The following NPR3 variants were observed in gnomAD, a reference collection of about 807,000 sequenced individuals.
NPR3 encodes atrial natriuretic peptide receptor 3.
A neutral mutation model predicts 54.5 loss-of-function variants in NPR3; 34 were observed. The ratio of observed to expected loss-of-function variants is 0.62; its 90% CI spans 0.47 to 0.83. NPR3 has a LOEUF of 0.83. NPR3 is among the 40% of genes least tolerant of loss of function. The pLI, the probability that NPR3 is intolerant of heterozygous loss-of-function variation, is 0.00. For synonymous variants in NPR3, 289 were observed against 297.1 expected (o/e 0.97, Z 0.28); for missense variants, 674 against 720.8 (o/e 0.94, Z 0.74).
chr5:32,738,384 ACTGT>A lies in NPR3; in HGVS notation c.893-477_893-474del, dbSNP rs536555215. Among the ~76,000 whole-genome samples the A allele has an allele frequency of 1.1e-4, 17 of 152,174 alleles. No individual in the cohort carries two copies. In the East Asian group the frequency reaches 1.2e-3, roughly 10 times the overall value. ...CTCCCACTTATGAGTAACATCACTA[ACTGT>A]CTAATAGTTGTGCATATCCATTGTC... On this transcript the variant is annotated intron_variant, in intron 2 of 7. Coordinates refer to ENST00000265074, the MANE Select transcript of NPR3 (RefSeq NM_001204375.2).
chr5:32,707,095 A>G (rs1429412006), upstream of NPR3, among the ~76,000 whole-genome samples: 1 of 152,202 alleles, frequency 6.6e-6, no homozygotes, highest in African/African-American at 2.4e-5. Flanking sequence ...TATTCAGGTT[A>G]AATCACTGAC....
intron 3 of NPR3, among the ~76,000 whole-genome samples, chr5:32,769,568 ATGC>A (rs1258158904): frequency 6.6e-6 from 1 of 152,250 alleles, no homozygotes; most frequent in East Asian, 1.9e-4. Flanking sequence ...GTCTTGAGAA[ATGC>A]TGCCTGGCAC....
intron 3 of NPR3, among the ~76,000 whole-genome samples, chr5:32,755,136 A>G (rs2111993048): frequency 6.6e-6 from 1 of 152,368 alleles, no homozygotes; most frequent in Admixed American, 6.5e-5. Context: ...CCGGGATTAC[A>G]GGCGTGAGCC....
At position 32,782,923 on chromosome 5, in the gene NPR3, C is replaced by A. The variant is rs371797796; in HGVS notation, c.1321C>A (p.Arg441Ser). 3 of 1,611,522 alleles carry A rather than the reference C, an allele frequency of 1.9e-6. No homozygotes were observed. Among genetic ancestry groups the A allele is most frequent in the Non-Finnish European group, 2.5e-6 (3 of 1,178,698 alleles). The change falls in exon 6 of 8, where the codon CGT (arginine) becomes AGT (serine). Residue 441 changes from arginine to serine, a missense_variant. Physicochemically the swap from Arg to Ser is moderately radical, Grantham distance 110. Transcript: ENST00000265074. Reference sequence around the variant, plus strand: ...TGGTGATTATTTTGGAAAAGAAGGTCGTTTTGAAATGCGGCCGAATGTCAA... The same window carrying A: ...TGGTGATTATTTTGGAAAAGAAGGTAGTTTTGAAATGCGGCCGAATGTCAA... ...VIGDYFGKEG[R>S]FEMRPNVKYP...
chr5:32,770,261 C>G (rs1741686120), intron 3 of NPR3, among the ~76,000 whole-genome samples: 1 of 150,348 alleles, frequency 6.7e-6, no homozygotes, highest in Admixed American at 6.6e-5. Flanking sequence ...GAAACCACAT[C>G]TCTACAAAAA....
chr5:32,738,843 A>ATTTT, intron 2 of NPR3, 21 bp from the exon 3 acceptor site: 1 of 1,606,834 alleles, frequency 6.2e-7, no homozygotes, highest in Non-Finnish European at 8.5e-7. Flanking sequence ...GGAATTATAA[A>ATTTT]TATTTTTATT....
intron 1 of NPR3, chr5:32,716,308 C>G: frequency 2.4e-6 from 1 of 409,770 alleles, no homozygotes; most frequent in Non-Finnish European, 4.8e-6. Flanking sequence ...ATTTTTCACT[C>G]TCAATTCTTG....
Position 32,791,266 on chromosome 5 carries a change from A to G in NPR3, c.*4921A>G, listed in dbSNP as rs1415888883. ...GGAATCTGAGCTTTGTTCCCTGTGC[A>G]TGGTGGATAATTGAAACCAAGAGGA... On this transcript the variant is annotated 3_prime_UTR_variant, in exon 8 of 8. Transcript: ENST00000265074. 2 of 167,124 alleles carry G rather than the reference A, an allele frequency of 1.2e-5. No homozygotes were observed. The highest frequency in any genetic ancestry group is 2.1e-4 in the South Asian group (1 of 4,836). The allele number at this position is 167,124 out of a possible 1,614,324, so 10.4% of individuals were successfully genotyped here. A position where few individuals can be genotyped will look rare whatever the true frequency, so the allele number is the denominator to read the frequency against.
At position 32,791,269 on chromosome 5, in the gene NPR3, G is replaced by C. The variant is rs1742895524; in HGVS notation, c.*4924G>C. Reference sequence around the variant, plus strand: ...ATCTGAGCTTTGTTCCCTGTGCATGGTGGATAATTGAAACCAAGAGGACAT... The same window carrying C: ...ATCTGAGCTTTGTTCCCTGTGCATGCTGGATAATTGAAACCAAGAGGACAT... On this transcript the variant is annotated 3_prime_UTR_variant, in exon 8 of 8. Coordinates refer to ENST00000265074, the MANE Select transcript of NPR3 (RefSeq NM_001204375.2). The C allele has an allele frequency of 6.0e-6, 1 of 167,098 alleles. No individual in the cohort carries two copies. Among genetic ancestry groups the C allele is most frequent in the Admixed American group, 6.5e-5 (1 of 15,278 alleles). The allele number at this position is 167,098 out of a possible 1,614,324, so 10.4% of individuals were successfully genotyped here.
intron 1 of NPR3, among the ~76,000 whole-genome samples, chr5:32,720,208 A>T (rs2111875268): frequency 6.6e-6 from 1 of 152,326 alleles, no homozygotes; most frequent in Admixed American, 6.5e-5. Context: ...AACCCAAAGA[A>T]GAGGGAAGAA....
Position 32,722,937 on chromosome 5 carries a change from A to G in NPR3, c.770-1761A>G, listed in dbSNP as rs531901998. Among the ~76,000 whole-genome samples the G allele has an allele frequency of 1.6e-4, 25 of 152,314 alleles. No individual in the cohort carries two copies. The South Asian group carries it at 3.1e-3, about 19-fold the overall frequency. On this transcript the variant is annotated intron_variant, in intron 1 of 7. Transcript: ENST00000265074. ...AGATCTTTAATATTTGTACTGTTTT[A>G]AAAACTTTTTCTCTAGAGCTTTTAT...
chr5:32,763,476 A>AT (rs34351463), intron 3 of NPR3, among the ~76,000 whole-genome samples: 6,480 of 133,806 alleles, frequency 0.048, 392 homozygotes, highest in African/African-American at 0.15. Context: ...CGCTCAGCTA[A>AT]TTTTTTTTTT....
At chr5:32,697,048 A>C (rs568122598) in intron 1 of NPR3, among the ~76,000 whole-genome samples, 1 of 151,886 alleles carries the variant, frequency 6.6e-6, no homozygotes, top group South Asian at 2.1e-4. Flanking sequence ...TGACAGTGTC[A>C]TGTTCCATAT....
rs374239137 is a variant in NPR3 at position 32,774,704 on chromosome 5, T to G, written c.1060-4T>G. 1.5e-5 allele frequency: 24 copies of G among 1,611,202 alleles called. No individual in the cohort carries two copies. The highest frequency in any genetic ancestry group is 1.6e-4 in the Middle Eastern group (1 of 6,074). ...GGTTCACCCATCTGGGGTTTTCTTTTCAGGTTAACATGTTTGTTGAAGGAT... is the reference window on the plus strand; with the variant it reads ...GGTTCACCCATCTGGGGTTTTCTTTGCAGGTTAACATGTTTGTTGAAGGAT... On this transcript the variant is annotated splice_polypyrimidine_tract_variant and splice_region_variant and intron_variant, in intron 3 of 7. Transcript: ENST00000265074.
At chr5:32,716,996 A>AAACCCCC (rs1561079842) in intron 1 of NPR3, among the ~76,000 whole-genome samples, 5 of 109,666 alleles carry the variant, frequency 4.6e-5, no homozygotes, top group African/African-American at 7.5e-5. Context: ...CCATCCCCCA[A>AAACCCCC]CCCCCCCACC....
chr5:32,725,308 T>A (rs948057640), intron 2 of NPR3, among the ~76,000 whole-genome samples: 8 of 152,200 alleles, frequency 5.3e-5, no homozygotes, highest in African/African-American at 1.9e-4. Flanking sequence ...TTCAGAAATT[T>A]GAGTTATGTC....
chr5:32,711,817 T>C lies in NPR3; in HGVS notation c.41T>C (p.Leu14Pro). ...GTGCTCACTTTCTCCCCGTGCGTAC[T>C]ACTCGGCTGGGCGTTGCTGGCCGGC... ...LLVLTFSPCVLLGWALLAGGT... is the reference protein window; with the variant it reads ...LLVLTFSPCVPLGWALLAGGT... Residue 14 changes from leucine (L) to proline (P), a missense_variant, in exon 1 of 8, where the codon CTA becomes CCA. Transcript: ENST00000265074. 6.9e-7 allele frequency: 1 copy of C among 1,455,086 alleles called. No homozygotes were observed. The highest frequency in any genetic ancestry group is 1.5e-5 in the South Asian group (1 of 67,498). The allele number at this position is 1,455,086 out of a possible 1,614,324, so 90.1% of individuals were successfully genotyped here.
At chr5:32,774,535 T>A (rs1741938249) in intron 3 of NPR3, among the ~76,000 whole-genome samples, 173 bp from the exon 4 acceptor site, 1 of 152,208 alleles carries the variant, frequency 6.6e-6, no homozygotes, top group African/African-American at 2.4e-5. Flanking sequence ...GGTTTTCCCC[T>A]CTGAGCCATG....
intron 4 of NPR3, among the ~76,000 whole-genome samples, chr5:32,775,743 G>A (rs1041780514): frequency 3.3e-5 from 5 of 152,010 alleles, no homozygotes; most frequent in Non-Finnish European, 5.9e-5. Flanking sequence ...GATTACAAGC[G>A]TGTGCCATCA....
Sources: gnomAD v4.1 joint callset for allele counts (sites outside exome capture counted in the v4.1 genomes callset) on GRCh38, gnomAD v4.1.1 for gene constraint, MANE v1.5 for transcripts, NCBI Gene and HGNC (gene_info 2026-07-23, HGNC 2026-07-21) for gene names.